The following FHIT variants were observed in gnomAD, a reference collection of about 807,000 sequenced individuals.
FHIT encodes fragile histidine triad diadenosine triphosphatase, also known as bis(5'-adenosyl)-triphosphatase.
A neutral mutation model predicts 17.9 loss-of-function variants in FHIT; 19 were observed. The ratio of observed to expected loss-of-function variants is 1.06; its 90% CI spans 0.74 to 1.56. FHIT has a LOEUF of 1.56. Ranked by LOEUF, FHIT falls within the 40% of genes most tolerant of loss-of-function variation. FHIT has a pLI of 0.00. For missense variants in FHIT, 248 were observed against 189.2 expected (o/e 1.31, Z -1.82); for synonymous variants, 81 against 69.7 (o/e 1.16, Z -0.81).
At chr3:60,139,732 T>C (rs755335673) in intron 5 of FHIT, among the ~76,000 whole-genome samples, 1 of 152,054 alleles carries the variant, frequency 6.6e-6, no homozygotes, top group East Asian at 1.9e-4. Flanking sequence ...ACGTGTTGTA[T>C]GGAATTACGT....
At chr3:60,260,382 AG>A (rs1174364097) in intron 5 of FHIT, among the ~76,000 whole-genome samples, 1 of 151,756 alleles carries the variant, frequency 6.6e-6, no homozygotes, top group East Asian at 1.9e-4. Context: ...AAATAGTGTC[AG>A]GAGAAACAAA....
intron 4 of FHIT, among the ~76,000 whole-genome samples, chr3:60,748,816 A>G (rs1458673629): frequency 6.7e-6 from 1 of 149,000 alleles, no homozygotes; most frequent in Non-Finnish European, 1.5e-5. Context: ...ATCTCAAAAC[A>G]ACAACAACAA....
intron 3 of FHIT, among the ~76,000 whole-genome samples, chr3:61,027,248 G>C (rs2032782204): frequency 6.6e-6 from 1 of 152,004 alleles, no homozygotes; most frequent in South Asian, 2.1e-4. Context: ...CACCATACCT[G>C]GCAAATTTTT....
chr3:61,124,856 G>A (rs2036563168), intron 2 of FHIT, among the ~76,000 whole-genome samples: 1 of 152,006 alleles, frequency 6.6e-6, no homozygotes, highest in South Asian at 2.1e-4. Context: ...CTCTTTTCAG[G>A]GCTACATCTG....
chr3:60,933,102 A>G (rs552336929), intron 3 of FHIT, among the ~76,000 whole-genome samples: 2 of 152,374 alleles, frequency 1.3e-5, no homozygotes, highest in East Asian at 1.9e-4. Flanking sequence ...ATGATTAAAA[A>G]TAATACCATA....
At chr3:60,493,423 C>T (rs973767979) in intron 5 of FHIT, among the ~76,000 whole-genome samples, 1 of 152,152 alleles carries the variant, frequency 6.6e-6, no homozygotes, top group Non-Finnish European at 1.5e-5. Flanking sequence ...CCAATATATG[C>T]TTACACTGTG....
At chr3:60,272,487 G>C (rs1706909970) in intron 5 of FHIT, among the ~76,000 whole-genome samples, 1 of 152,156 alleles carries the variant, frequency 6.6e-6, no homozygotes, top group African/African-American at 2.4e-5. Flanking sequence ...GTATCTTCAG[G>C]AAGCAGTAAT....
At chr3:61,097,402 G>T (rs1182957707) in intron 2 of FHIT, among the ~76,000 whole-genome samples, 1 of 152,180 alleles carries the variant, frequency 6.6e-6, no homozygotes, top group Non-Finnish European at 1.5e-5. Context: ...CTGCTGCAAT[G>T]AATATACACA....
chr3:59,851,551 C>T (rs1304785606), intron 8 of FHIT, among the ~76,000 whole-genome samples: 3 of 152,142 alleles, frequency 2.0e-5, no homozygotes, highest in Non-Finnish European at 2.9e-5. Flanking sequence ...CAACTCCAAG[C>T]CCATTCAATT....
intron 1 of FHIT, among the ~76,000 whole-genome samples, chr3:61,213,080 G>C (rs925761385): frequency 1.3e-5 from 2 of 152,180 alleles, no homozygotes; most frequent in Admixed American, 6.5e-5. Flanking sequence ...ATCAAGGCTA[G>C]GAAGAAACTG....
chr3:61,199,360 T>C (rs925973259), intron 2 of FHIT, among the ~76,000 whole-genome samples: 1 of 152,234 alleles, frequency 6.6e-6, no homozygotes, highest in African/African-American at 2.4e-5. Flanking sequence ...AGTATTTCTT[T>C]ATTCCAAGAT....
At chr3:60,241,917 T>TA (rs1342866073) in intron 5 of FHIT, among the ~76,000 whole-genome samples, 1 of 152,136 alleles carries the variant, frequency 6.6e-6, no homozygotes, top group Admixed American at 6.6e-5. Flanking sequence ...GTAATTTATC[T>TA]AAGTTTCCAA....
At chr3:61,050,039 T>A (rs989977549) in intron 2 of FHIT, among the ~76,000 whole-genome samples, 5 of 152,160 alleles carry the variant, frequency 3.3e-5, no homozygotes, top group African/African-American at 1.2e-4. Flanking sequence ...CTCTTCCCAC[T>A]CTTCATCAAA....
intron 5 of FHIT, among the ~76,000 whole-genome samples, chr3:60,111,010 G>A (rs868621639): frequency 6.6e-6 from 1 of 152,038 alleles, no homozygotes; most frequent in African/African-American, 2.4e-5. Flanking sequence ...AATGACGTGG[G>A]TCAGAAGTAA....
intron 3 of FHIT, among the ~76,000 whole-genome samples, chr3:60,896,561 A>T (rs528716586): frequency 2.0e-5 from 3 of 152,314 alleles, no homozygotes; most frequent in Admixed American, 2.0e-4. Flanking sequence ...TTGTCCCACA[A>T]ATAACACAAC....
At chr3:60,473,382 G>A (rs1559943240) in intron 5 of FHIT, among the ~76,000 whole-genome samples, 1 of 152,154 alleles carries the variant, frequency 6.6e-6, no homozygotes, top group Non-Finnish European at 1.5e-5. Flanking sequence ...CATATTTCAA[G>A]AGAGAGGGAC....
At chr3:60,570,828 C>T (rs1402326433) in intron 4 of FHIT, among the ~76,000 whole-genome samples, 2 of 149,310 alleles carry the variant, frequency 1.3e-5, no homozygotes, top group Non-Finnish European at 3.0e-5. Context: ...AAAGCAAATT[C>T]ACATCCACTA....
intron 5 of FHIT, among the ~76,000 whole-genome samples, chr3:60,253,090 T>C (rs213400): frequency 0.12 from 18,351 of 152,170 alleles, 1,345 homozygotes; most frequent in South Asian, 0.22. Context: ...TAGTACACCA[T>C]TGAAAGAGCA....
chr3:60,937,853 C>T (rs549260200), intron 3 of FHIT, among the ~76,000 whole-genome samples: 79 of 152,160 alleles, frequency 5.2e-4, no homozygotes, highest in Admixed American at 8.5e-4. Flanking sequence ...TGAGCCACCA[C>T]GCCCGGCCCT....
Sources: allele counts gnomAD v4.1 joint callset (sites outside exome capture counted in the v4.1 genomes callset), GRCh38; gene constraint gnomAD v4.1.1; transcripts MANE v1.5; gene names NCBI Gene and HGNC (gene_info 2026-07-23, HGNC 2026-07-21).